Variants in ATL2 observed in about 807,000 individuals in gnomAD.
The protein encoded by ATL2 is atlastin-2.
Under a neutral mutation model 73.9 loss-of-function variants are expected in ATL2, and 31 were observed. That is an observed-to-expected ratio of 0.42 (90% CI 0.32 to 0.57). The LOEUF is 0.57. ATL2 is among the 20% of genes least tolerant of loss of function. The pLI, the probability that ATL2 is intolerant of heterozygous loss-of-function variation, is 0.14. For synonymous variants in ATL2, 291 were observed against 237.5 expected (o/e 1.23, Z -2.07); for missense variants, 738 against 702.6 (o/e 1.05, Z -0.57).
At chr2:38,346,358 T>A (rs927772330) in intron 1 of ATL2, among the ~76,000 whole-genome samples, 2 of 152,098 alleles carry the variant, frequency 1.3e-5, no homozygotes, top group Non-Finnish European at 2.9e-5. Flanking sequence ...CATGTAAAGT[T>A]GACCAGGTTA....
chr2:38,320,352 A>C (rs1668252853), intron 2 of ATL2, among the ~76,000 whole-genome samples: 1 of 152,216 alleles, frequency 6.6e-6, no homozygotes, highest in African/African-American at 2.4e-5. Context: ...CAGTGAAAGG[A>C]TATGCCTGGC....
chr2:38,360,259 C>CTT (rs566192942), intron 1 of ATL2, among the ~76,000 whole-genome samples: 254 of 135,396 alleles, frequency 1.9e-3, no homozygotes, highest in African/African-American at 4.3e-3. Context: ...TCAGGGGATT[C>CTT]TTTTTTTTTT....
intron 1 of ATL2, among the ~76,000 whole-genome samples, chr2:38,359,263 C>T (rs1670865986): frequency 6.6e-6 from 1 of 151,648 alleles, no homozygotes; most frequent in Admixed American, 6.6e-5. Flanking sequence ...TGAGGTCAGG[C>T]GTTCCAGACC....
At chr2:38,343,178 A>G (rs1669825904) in intron 2 of ATL2, 90 bp downstream of exon 2, 19 of 341,296 alleles carry the variant, frequency 5.6e-5, no homozygotes, top group East Asian at 8.8e-5. Context: ...AAAAAAAAAA[A>G]GATATAGTTC....
intron 2 of ATL2, 139 bp downstream of exon 2, chr2:38,343,127 AAC>A: frequency 1.3e-6 from 1 of 777,280 alleles, no homozygotes; most frequent in Non-Finnish European, 1.8e-6. Context: ...CATCCTGGGT[AAC>A]AGAGTGAGAC....
At chr2:38,365,134 TACACACACACACACACACAC>T (rs541325892) in intron 1 of ATL2, among the ~76,000 whole-genome samples, 1 of 132,686 alleles carries the variant, frequency 7.5e-6, no homozygotes, top group Non-Finnish European at 1.7e-5. Context: ...AAGGGAATCA[TACACACACACACACACACAC>T]ACACACACAC....
At chr2:38,375,468 T>C (rs915545394) in intron 1 of ATL2, among the ~76,000 whole-genome samples, 5 of 152,192 alleles carry the variant, frequency 3.3e-5, no homozygotes, top group Admixed American at 6.5e-5. Context: ...AAATAATAAA[T>C]GGTGGGCCCT....
chr2:38,327,997 T>C (rs750446470), intron 2 of ATL2, among the ~76,000 whole-genome samples: 4 of 152,170 alleles, frequency 2.6e-5, no homozygotes, highest in Non-Finnish European at 5.9e-5. Context: ...CTATCTATTT[T>C]AAAAACTCCA....
chr2:38,343,071 T>C (rs1669816302), intron 2 of ATL2, among the ~76,000 whole-genome samples, 197 bp downstream of exon 2: 2 of 144,520 alleles, frequency 1.4e-5, no homozygotes, highest in South Asian at 2.2e-4. Flanking sequence ...TTGCTTGAGA[T>C]TGGGAGGTTG....
intron 12 of ATL2, among the ~76,000 whole-genome samples, chr2:38,296,969 A>G (rs957094758): frequency 2.0e-5 from 3 of 152,248 alleles, no homozygotes; most frequent in Admixed American, 6.5e-5. Flanking sequence ...TAAAATAGCT[A>G]ATTTTTTCTT....
At chr2:38,310,532 C>T (rs1268483028) in intron 7 of ATL2, 85 bp from the exon 8 acceptor site, 2 of 1,162,434 alleles carry the variant, frequency 1.7e-6, no homozygotes, top group African/African-American at 1.6e-5. Context: ...CGCATGCACA[C>T]TATGCACACT....
intron 2 of ATL2, among the ~76,000 whole-genome samples, chr2:38,338,295 G>A (rs146108787): frequency 6.6e-6 from 1 of 151,488 alleles, no homozygotes; most frequent in East Asian, 1.9e-4. Flanking sequence ...ACAGACAACG[G>A]GGAGTACTAG....
chr2:38,375,201 G>C (rs972867644), intron 1 of ATL2, among the ~76,000 whole-genome samples: 1 of 152,186 alleles, frequency 6.6e-6, no homozygotes, highest in African/African-American at 2.4e-5. Flanking sequence ...AGGAAGCAGA[G>C]GGAGACAAAG....
At chr2:38,352,678 C>T (rs1230930620) in intron 1 of ATL2, among the ~76,000 whole-genome samples, 2 of 152,206 alleles carry the variant, frequency 1.3e-5, no homozygotes, top group Non-Finnish European at 2.9e-5. Context: ...ATTACTGAGA[C>T]ACTTTGGAGT....
At chr2:38,316,259 G>C (rs1668019099) in intron 4 of ATL2, among the ~76,000 whole-genome samples, 1 of 152,114 alleles carries the variant, frequency 6.6e-6, no homozygotes, top group Admixed American at 6.5e-5. Flanking sequence ...TTCCAAACAA[G>C]GATTTAAAAA....
intron 1 of ATL2, among the ~76,000 whole-genome samples, chr2:38,373,363 G>A (rs1336858654): frequency 6.6e-6 from 1 of 152,204 alleles, no homozygotes; most frequent in Non-Finnish European, 1.5e-5. Flanking sequence ...GCCTCTAAGT[G>A]GTTGTTTGGG....
At position 38,376,860 on chromosome 2, in the gene ATL2, G is replaced by C. The variant is rs1672000850; in HGVS notation, c.118+283C>G. Among the ~76,000 whole-genome samples the C allele has an allele frequency of 2.7e-5, 4 of 149,362 alleles. No individual in the cohort carries two copies. The East Asian group carries it at 7.8e-4, about 29-fold the overall frequency. On this transcript the variant is annotated intron_variant, in intron 1 of 12. Transcript: ENST00000378954. The stretch of plus-strand genomic sequence containing the variant: ...GGGGCGGACACGGCGGCAGCCACGC[G>C]GCGGGCTGGCGGGCAGGGGGCCGGG...
chr2:38,326,942 C>T (rs1172506188), intron 2 of ATL2, among the ~76,000 whole-genome samples: 2 of 151,822 alleles, frequency 1.3e-5, no homozygotes, highest in African/African-American at 4.8e-5. Context: ...GAGCCAAGAT[C>T]GCACCACTGC....
upstream of ATL2, chr2:38,377,309 C>A: frequency 1.4e-6 from 2 of 1,465,054 alleles, no homozygotes; most frequent in South Asian, 2.6e-5. Flanking sequence ...ACGCCGCCGC[C>A]GCTTTATCAA....
Sources: gnomAD v4.1 joint callset for allele counts (sites outside exome capture counted in the v4.1 genomes callset) on GRCh38, gnomAD v4.1.1 for gene constraint, MANE v1.5 for transcripts, NCBI Gene and HGNC (gene_info 2026-07-23, HGNC 2026-07-21) for gene names.